Variants in DLG2 observed in about 807,000 individuals in gnomAD.
DLG2 encodes the protein disks large homolog 2.
A neutral mutation model predicts 132.5 loss-of-function variants in DLG2; 45 were observed. That is an observed-to-expected ratio of 0.34 (90% CI 0.27 to 0.44). The LOEUF is 0.44. DLG2 is among the 20% of genes least tolerant of loss of function. DLG2 has a pLI of 1.00. For missense variants in DLG2, 1,045 were observed against 1,196.9 expected (o/e 0.87, Z 1.87); for synonymous variants, 424 against 419.6 (o/e 1.01, Z -0.13).
chr11:83,475,898 T>C (rs2092573845), intron 22 of DLG2, among the ~76,000 whole-genome samples: 1 of 152,088 alleles, frequency 6.6e-6, no homozygotes, highest in Admixed American at 6.6e-5. Flanking sequence ...TTTTGGCAAC[T>C]GTATGGCTGA....
At chr11:84,691,354 G>A (rs1463782601) in intron 6 of DLG2, among the ~76,000 whole-genome samples, 5 of 151,616 alleles carry the variant, frequency 3.3e-5, no homozygotes, top group Admixed American at 6.6e-5. Flanking sequence ...AACAGGCAAC[G>A]ACTTAGACAA....
intron 19 of DLG2, among the ~76,000 whole-genome samples, chr11:83,616,688 T>C (rs917982032): frequency 6.6e-6 from 1 of 152,216 alleles, no homozygotes; most frequent in Non-Finnish European, 1.5e-5. Context: ...GTGATTAGTA[T>C]GCTTTGTGCC....
At chr11:84,131,680 A>T (rs1013261733) in intron 9 of DLG2, among the ~76,000 whole-genome samples, 6 of 151,872 alleles carry the variant, frequency 4.0e-5, no homozygotes, top group Non-Finnish European at 4.4e-5. Context: ...TGGGCCTTAT[A>T]TGCAAAGGTA....
chr11:84,055,069 AT>A (rs2096473630), intron 11 of DLG2, among the ~76,000 whole-genome samples: 1 of 152,046 alleles, frequency 6.6e-6, no homozygotes, highest in Non-Finnish European at 1.5e-5. Context: ...CAATATGTTA[AT>A]TTGGCAGGGT....
In DLG2 at chr11:85,301,785, C is replaced by G. The variant is rs537737576; in HGVS notation, c.41-16420G>C. ...GGTCACTATGCAGGCAGATGCCAAGCACATCAGAACCTTATCCCTAACAGA... is the reference window on the plus strand; with the variant it reads ...GGTCACTATGCAGGCAGATGCCAAGGACATCAGAACCTTATCCCTAACAGA... On this transcript the variant is annotated intron_variant, in intron 3 of 27. Coordinates refer to ENST00000376104, the MANE Select transcript of DLG2 (RefSeq NM_001142699.3). Among the ~76,000 whole-genome samples the G allele has an allele frequency of 2.0e-5, 3 of 152,292 alleles. No homozygotes were observed. In the East Asian group the frequency reaches 5.8e-4, roughly 29 times the overall value.
intron 4 of DLG2, among the ~76,000 whole-genome samples, chr11:85,157,712 T>C (rs1290570618): frequency 1.3e-5 from 2 of 152,076 alleles, no homozygotes; most frequent in Non-Finnish European, 2.9e-5. Flanking sequence ...TAGAGAAAGA[T>C]ATGAAATTGT....
intron 10 of DLG2, among the ~76,000 whole-genome samples, chr11:84,067,097 G>A (rs1054857754): frequency 6.6e-6 from 1 of 152,048 alleles, no homozygotes; most frequent in African/African-American, 2.4e-5. Flanking sequence ...TGCTTTGGGA[G>A]GCCGAGGTGG....
intron 11 of DLG2, among the ~76,000 whole-genome samples, chr11:84,018,602 T>C (rs1468941854): frequency 6.6e-6 from 1 of 151,614 alleles, no homozygotes; most frequent in East Asian, 1.9e-4. Flanking sequence ...CCATCACCTA[T>C]AGTCTAGCAA....
intron 4 of DLG2, among the ~76,000 whole-genome samples, chr11:85,262,213 T>C (rs182203658): frequency 1.4e-4 from 21 of 152,284 alleles, no homozygotes; most frequent in Admixed American, 2.6e-4. Flanking sequence ...GTTTTTTAAG[T>C]GGCCATGTGG....
In DLG2 at chr11:84,492,456, A is replaced by G. The variant is rs1418802650; in HGVS notation, c.519+42114T>C. The stretch of plus-strand genomic sequence containing the variant: ...TTTCTGATATATTTAAAGTAGCACA[A>G]TTAAGGACTGAGGCTTTGTAGCAGG... On this transcript the variant is annotated intron_variant, in intron 7 of 27. Transcript: ENST00000376104. Among the ~76,000 whole-genome samples, 3 of 152,164 alleles carry G rather than the reference A, an allele frequency of 2.0e-5. No individual in the cohort carries two copies. The East Asian group carries it at 5.8e-4, about 29-fold the overall frequency.
chr11:84,545,703 T>C, intron 6 of DLG2: 1 of 281,114 alleles, frequency 3.6e-6, no homozygotes, highest in African/African-American at 2.3e-5. Context: ...ATGATTTCAG[T>C]CACTTCAATT....
intron 7 of DLG2, among the ~76,000 whole-genome samples, chr11:84,504,179 T>A (rs2099231437): frequency 6.6e-6 from 1 of 152,200 alleles, no homozygotes; most frequent in African/African-American, 2.4e-5. Context: ...AAACTAAAGC[T>A]CAGAGATGTA....
At chr11:84,248,683 C>T (rs532243555) in intron 8 of DLG2, among the ~76,000 whole-genome samples, 11 of 152,120 alleles carry the variant, frequency 7.2e-5, no homozygotes, top group African/African-American at 2.2e-4. Context: ...GGCAAAAACT[C>T]GTCTCTACTA....
chr11:85,459,720 G>A (rs2092543361), intron 3 of DLG2, among the ~76,000 whole-genome samples: 1 of 152,158 alleles, frequency 6.6e-6, no homozygotes, highest in African/African-American at 2.4e-5. Context: ...TGGTTAGGGT[G>A]ATACCACTGC....
intron 15 of DLG2, among the ~76,000 whole-genome samples, chr11:83,901,306 A>C (rs2073357125): frequency 6.6e-6 from 1 of 152,026 alleles, no homozygotes. Context: ...ATTGGTTTTG[A>C]GATGTGAAGA....
intron 21 of DLG2, among the ~76,000 whole-genome samples, chr11:83,499,584 CT>C (rs201241663): frequency 3.4e-5 from 5 of 149,106 alleles, no homozygotes; most frequent in Non-Finnish European, 4.5e-5. Flanking sequence ...ATCATGATTG[CT>C]TTTTTTTTCC....
intron 6 of DLG2, among the ~76,000 whole-genome samples, chr11:84,631,018 T>TCTCTCTCTCTCTCTCTCA (rs1217703556): frequency 1.1e-5 from 1 of 94,262 alleles, no homozygotes; most frequent in African/African-American, 4.6e-5. Flanking sequence ...TCTCTCTCTC[T>TCTCTCTCTCTCTCTCTCA]CACACACACA....
At chr11:85,472,304 T>A (rs1404338493) in intron 3 of DLG2, among the ~76,000 whole-genome samples, 1 of 152,060 alleles carries the variant, frequency 6.6e-6, no homozygotes, top group African/African-American at 2.4e-5. Flanking sequence ...CTGTTTTTTG[T>A]TTTTGTTTTT....
chr11:83,850,156 GTGTGTT>G (rs1359538047), intron 16 of DLG2, among the ~76,000 whole-genome samples: 64 of 133,040 alleles, frequency 4.8e-4, no homozygotes, highest in Non-Finnish European at 7.0e-4. Flanking sequence ...GTGTGTGTGT[GTGTGTT>G]TTTTTACTTG....
Sources: allele counts gnomAD v4.1 joint callset (sites outside exome capture counted in the v4.1 genomes callset), GRCh38; gene constraint gnomAD v4.1.1; transcripts MANE v1.5; gene names NCBI Gene and HGNC (gene_info 2026-07-23, HGNC 2026-07-21).